LMNB1: variants seen among roughly 807,000 people sequenced by gnomAD.
The protein encoded by LMNB1 is lamin-B1.
LMNB1 carries 23 observed loss-of-function variants against 67.1 expected under a neutral mutation model. The observed-to-expected ratio is 0.34, with a 90% CI of 0.25 to 0.49. LMNB1 has a LOEUF of 0.49. Among genes scored for constraint, LMNB1 ranks in the 20% least tolerant of loss-of-function variants. The pLI, the probability that LMNB1 is intolerant of heterozygous loss-of-function variation, is 0.99. For missense variants in LMNB1, 634 were observed against 746.5 expected (o/e 0.85, Z 1.76); for synonymous variants, 281 against 282.9 (o/e 0.99, Z 0.07).
intron 7 of LMNB1, 50 bp from the exon 8 acceptor site, chr5:126,822,731 A>G: frequency 8.9e-6 from 10 of 1,128,898 alleles, no homozygotes; most frequent in Non-Finnish European, 1.3e-5. Context: ...TTATTCCACA[A>G]CTTTCTTTAT....
At chr5:126,808,570 G>A (rs1165189482) in intron 3 of LMNB1, among the ~76,000 whole-genome samples, 2 of 152,012 alleles carry the variant, frequency 1.3e-5, no homozygotes, top group Non-Finnish European at 2.9e-5. Flanking sequence ...GGGAAAAAAG[G>A]AAGGAGAAAG....
chr5:126,820,846 T>C lies in LMNB1; in HGVS notation c.1161-64T>C, dbSNP rs6867254. On this transcript the variant is annotated intron_variant, in intron 6 of 10. Coordinates refer to ENST00000261366, the MANE Select transcript of LMNB1 (RefSeq NM_005573.4). ...CCCAGCCCTTGTTTTTTTGTTTTTT[T>C]TTTTTTTAAGGCGAGAAGGGCATAT... 3.1e-6 allele frequency: 4 copies of C among 1,274,760 alleles called. No homozygotes were observed. In the African/African-American group the frequency reaches 6.0e-5, roughly 19 times the overall value. The allele number at this position is 1,274,760 out of a possible 1,614,324, so 79.0% of individuals were successfully genotyped here. A position where few individuals can be genotyped will look rare whatever the true frequency, so the allele number is the denominator to read the frequency against.
At chr5:126,823,737 T>C (rs1311212934) in intron 8 of LMNB1, among the ~76,000 whole-genome samples, 1 of 152,214 alleles carries the variant, frequency 6.6e-6, no homozygotes, top group Non-Finnish European at 1.5e-5. Context: ...TAAAAAGGTG[T>C]ATTCAGAGAG....
Position 126,819,033 on chromosome 5 carries a change from G to A in LMNB1, c.1051G>A (p.Asp351Asn). Residue 351 changes from aspartate to asparagine, a missense_variant, in exon 6 of 11, where the codon GAT becomes AAT. Physicochemically the swap from Asp to Asn is conservative, Grantham distance 23 (BLOSUM62 1). Transcript: ENST00000261366. ...DKEREMAEIR[D>N]QMQQQLNDYE... The stretch of plus-strand genomic sequence containing the variant: ...AGAGAGAGAGATGGCGGAAATAAGG[G>A]ATCAAATGCAGCAACAGCTGAATGA... The A allele has an allele frequency of 6.2e-7, 1 of 1,614,166 alleles. No homozygotes were observed. The highest frequency in any genetic ancestry group is 1.1e-5 in the South Asian group (1 of 91,090).
intron 1 of LMNB1, among the ~76,000 whole-genome samples, chr5:126,787,544 A>T (rs371393200): frequency 0.35 from 26,057 of 75,516 alleles, 4,361 homozygotes; most frequent in Non-Finnish European, 0.42. Context: ...ATATATATAT[A>T]TATTTTTTTT....
chr5:126,800,951 CTATA>C (rs57113826), intron 1 of LMNB1, among the ~76,000 whole-genome samples: 3,824 of 47,032 alleles, frequency 0.081, 321 homozygotes, highest in Middle Eastern at 0.16. Context: ...TGCAGCCAGA[CTATA>C]TATATATATA....
At chr5:126,787,350 A>G (rs972252757) in intron 1 of LMNB1, among the ~76,000 whole-genome samples, 15 of 151,610 alleles carry the variant, frequency 9.9e-5, no homozygotes, top group Non-Finnish European at 1.8e-4. Context: ...TTCTAAATGG[A>G]AAATGGAGAG....
Position 126,777,654 on chromosome 5 carries a change from A to G in LMNB1, c.146A>G (p.Lys49Arg). ...LNDRLAVYIDKVRSLETENSA... is the reference protein window; with the variant it reads ...LNDRLAVYIDRVRSLETENSA... The stretch of plus-strand genomic sequence containing the variant: ...GACCGGCTGGCGGTGTACATCGACA[A>G]GGTGCGCAGCCTGGAGACGGAGAAC... The change falls in exon 1 of 11, where the codon AAG becomes AGG. Residue 49 changes from lysine to arginine, a missense_variant. Coordinates refer to ENST00000261366, the MANE Select transcript of LMNB1 (RefSeq NM_005573.4). 1 of 1,544,124 alleles carries G rather than the reference A, an allele frequency of 6.5e-7. No homozygotes were observed. The highest frequency in any genetic ancestry group is 1.4e-5 in the African/African-American group (1 of 71,868).
Position 126,836,569 on chromosome 5 carries a change from TATG to T in LMNB1, c.*307_*309del. 2 of 352,922 alleles carry T rather than the reference TATG, an allele frequency of 5.7e-6. No individual in the cohort carries two copies. The highest frequency in any genetic ancestry group is 1.0e-5 in the Non-Finnish European group (2 of 199,714). 21.9% of individuals were successfully genotyped at this position (352,922 alleles called of 1,614,324 possible). ...TGTTTTTTCTTTTTTTTTAAGTTCT[TATG>T]AGGAGGGGAGGGTAAATAAACCACT... On this transcript the variant is annotated 3_prime_UTR_variant, in exon 11 of 11. Coordinates refer to ENST00000261366, the MANE Select transcript of LMNB1 (RefSeq NM_005573.4).
intron 1 of LMNB1, among the ~76,000 whole-genome samples, chr5:126,782,939 C>T (rs1165877283): frequency 6.6e-6 from 1 of 151,892 alleles, no homozygotes; most frequent in Non-Finnish European, 1.5e-5. Context: ...TGGTGGCTCA[C>T]GCCTGTAATC....
At chr5:126,778,058 G>C (rs1226078492) in intron 1 of LMNB1, among the ~76,000 whole-genome samples, 191 bp downstream of exon 1, 1 of 152,220 alleles carries the variant, frequency 6.6e-6, no homozygotes, top group African/African-American at 2.4e-5. Context: ...GGTCGCGGAG[G>C]GGGCTCGAGC....
At chr5:126,810,546 A>G (rs1561747014) in intron 4 of LMNB1, among the ~76,000 whole-genome samples, 196 bp downstream of exon 4, 1 of 152,220 alleles carries the variant, frequency 6.6e-6, no homozygotes. Flanking sequence ...AATTACTAGA[A>G]GAATGTAGGG....
intron 1 of LMNB1, among the ~76,000 whole-genome samples, chr5:126,779,723 C>T (rs1750574119): frequency 6.6e-6 from 1 of 151,884 alleles, no homozygotes; most frequent in South Asian, 2.1e-4. Context: ...TATGGTGAAA[C>T]CCCGTCTCTA....
intron 1 of LMNB1, among the ~76,000 whole-genome samples, chr5:126,803,116 G>A (rs764052916): frequency 1.3e-5 from 2 of 149,806 alleles, no homozygotes; most frequent in Non-Finnish European, 3.0e-5. Context: ...AAACCAGGAG[G>A]CAGAGGTTGC....
intron 9 of LMNB1, 112 bp from the exon 10 acceptor site, chr5:126,832,582 G>C: frequency 1.5e-6 from 1 of 684,520 alleles, no homozygotes; most frequent in South Asian, 1.5e-5. Context: ...TTACAGGTGT[G>C]AGCCACTGCG....
At chr5:126,804,709 C>T (rs939213752) in intron 1 of LMNB1, 67 bp from the exon 2 acceptor site, 1 of 1,401,154 alleles carries the variant, frequency 7.1e-7, no homozygotes, top group Non-Finnish European at 9.8e-7. Context: ...GTCCCTTCAG[C>T]AGAGAGGGAG....
intron 10 of LMNB1, among the ~76,000 whole-genome samples, chr5:126,833,518 A>G (rs3805737): frequency 0.075 from 11,475 of 152,262 alleles, 458 homozygotes; most frequent in African/African-American, 0.089. Flanking sequence ...ACTGTCTCAT[A>G]TATTTAACCC....
In LMNB1 at chr5:126,777,501, C is replaced by T; in HGVS notation, c.-8C>T. The T allele has an allele frequency of 3.0e-6, 4 of 1,328,822 alleles. 1 individual carries two copies. The South Asian group carries it at 6.8e-5, about 23-fold the overall frequency. 82.3% of individuals were successfully genotyped at this position (1,328,822 alleles called of 1,614,324 possible). A position where few individuals can be genotyped will look rare whatever the true frequency, so the allele number is the denominator to read the frequency against. ...GGCCTCGCCGCCCCGCTGTCTCCGC[C>T]GCCCGCCATGGCGACTGCGACCCCC... On this transcript the variant is annotated 5_prime_UTR_variant, in exon 1 of 11. Transcript: ENST00000261366.
At chr5:126,820,152 A>G (rs1338981592) in intron 6 of LMNB1, among the ~76,000 whole-genome samples, 1 of 152,214 alleles carries the variant, frequency 6.6e-6, no homozygotes, top group Non-Finnish European at 1.5e-5. Context: ...CACAAAAAAA[A>G]GAAAAAGAAA....
Sources: gnomAD v4.1 joint callset for allele counts (sites outside exome capture counted in the v4.1 genomes callset) on GRCh38, gnomAD v4.1.1 for gene constraint, MANE v1.5 for transcripts, NCBI Gene and HGNC (gene_info 2026-07-23, HGNC 2026-07-21) for gene names.